The following PPEF2 variants were observed in gnomAD, a reference collection of about 807,000 sequenced individuals.
PPEF2 encodes protein phosphatase with EF-hand domain 2.
In PPEF2, 84 loss-of-function variants were observed where a neutral mutation model predicts 84.7. The observed-to-expected ratio is 0.99, with a 90% CI of 0.83 to 1.19. The LOEUF (loss-of-function observed/expected upper bound fraction) is 1.19. Ranked by LOEUF, PPEF2 falls within the 50% of genes most tolerant of loss-of-function variation. The pLI is 0.00. For synonymous variants in PPEF2, 346 were observed against 345.2 expected (o/e 1.00, Z -0.03); for missense variants, 924 against 937.5 (o/e 0.99, Z 0.19).
At position 75,891,921 on chromosome 4, in the gene PPEF2, T is replaced by C. The variant is rs1178378251; in HGVS notation, c.113A>G (p.Glu38Gly). The change falls in exon 3 of 17, where the codon GAG becomes GGG. Residue 38 changes from glutamate to glycine, a missense_variant. Glu to Gly is a moderately conservative substitution (Grantham distance 98, BLOSUM62 -2). Transcript: ENST00000286719. ...GCTCCAGGTGCAACGCCGCCTCATC[T>C]CCAGGCGGGCCACGTAGCGCCGGTA... ...RWYRRYVARL[E>G]MRRRCTWSIF... 6.2e-7 allele frequency: 1 copy of C among 1,614,158 alleles called. No individual in the cohort carries two copies. Among genetic ancestry groups the C allele is most frequent in the Non-Finnish European group, 8.5e-7 (1 of 1,180,000 alleles).
chr4:75,872,590 G>GA (rs376525067), intron 12 of PPEF2, among the ~76,000 whole-genome samples: 15 of 152,108 alleles, frequency 9.9e-5, no homozygotes, highest in African/African-American at 3.6e-4. Context: ...GATGGTGTAT[G>GA]AAAAAAGTTT....
chr4:75,884,568 A>G, intron 8 of PPEF2, 26 bp downstream of exon 8: 3 of 1,539,688 alleles, frequency 1.9e-6, no homozygotes, highest in Non-Finnish European at 2.6e-6. Flanking sequence ...CAAACATCAA[A>G]TACTCAAGCA....
chr4:75,869,322 A>G (rs549619535), intron 13 of PPEF2, among the ~76,000 whole-genome samples: 1 of 152,330 alleles, frequency 6.6e-6, no homozygotes, highest in South Asian at 2.1e-4. Context: ...AGAGCTCTAC[A>G]TGGATTATCT....
At chr4:75,873,030 G>T (rs1193659782) in intron 12 of PPEF2, 97 bp downstream of exon 12, 6 of 1,206,652 alleles carry the variant, frequency 5.0e-6, no homozygotes, top group Non-Finnish European at 7.0e-6. Context: ...AGGTCTGTAG[G>T]TTGTTAGAAA....
intron 5 of PPEF2, chr4:75,889,160 C>G (rs1383982136): frequency 6.6e-6 from 1 of 152,300 alleles, no homozygotes; most frequent in African/African-American, 2.4e-5. Flanking sequence ...TGCAGTGAGC[C>G]GAGATCGCGC....
rs192813284 is a variant in PPEF2 at position 75,895,301 on chromosome 4, C to T, written c.55+970G>A. 1.0e-3 allele frequency among the ~76,000 whole-genome samples: 154 copies of T among 151,920 alleles called. 3 individuals carry two copies. In the East Asian group the frequency reaches 0.019, roughly 19 times the overall value. ...AAAATTAGCCGGGCATGGTGGCACC[C>T]GCCTGTAATCCCAGCTACTTGGGAG... On this transcript the variant is annotated intron_variant, in intron 2 of 16. Transcript: ENST00000286719.
chr4:75,891,569 T>C, intron 4 of PPEF2, 79 bp downstream of exon 4: 2 of 1,458,468 alleles, frequency 1.4e-6, no homozygotes, highest in Non-Finnish European at 9.2e-7. Flanking sequence ...ACGGTTTCAC[T>C]CCCTGTGCAT....
At position 75,892,112 on chromosome 4, in the gene PPEF2, T is replaced by C. The variant is rs17001165; in HGVS notation, c.56-134A>G. 8,949 of 1,154,090 alleles carry C rather than the reference T, an allele frequency of 7.8e-3. 534 individuals carry two copies. In the African/African-American group the frequency reaches 0.12, roughly 16 times the overall value. 71.5% of individuals were successfully genotyped at this position (1,154,090 alleles called of 1,614,324 possible). On this transcript the variant is annotated intron_variant, in intron 2 of 16. Transcript: ENST00000286719. ...CAAGATGGAGCAGAAGCACTACCCATTGACGCCCATAGGAAGTATTTCCCT... is the reference window on the plus strand; with the variant it reads ...CAAGATGGAGCAGAAGCACTACCCACTGACGCCCATAGGAAGTATTTCCCT...
rs941035698 is a variant in PPEF2 at position 75,874,398 on chromosome 4, C to T, written c.1321-1086G>A. Among the ~76,000 whole-genome samples the T allele has an allele frequency of 5.3e-5, 8 of 151,760 alleles. No homozygotes were observed. The East Asian group carries it at 7.8e-4, about 15-fold the overall frequency. ...GCAACCTCTGCCTCCCAGGTTCAAG[C>T]GATTCTCCTGCCTCAGTCTCTCGAG... On this transcript the variant is annotated intron_variant, in intron 11 of 16. Transcript: ENST00000286719.
At chr4:75,894,028 G>T (rs1161524420) in intron 2 of PPEF2, among the ~76,000 whole-genome samples, 1 of 151,968 alleles carries the variant, frequency 6.6e-6, no homozygotes, top group African/African-American at 2.4e-5. Context: ...CTCTTACTTG[G>T]GCCATGTGTA....
chr4:75,882,310 G>A (rs902480520), intron 10 of PPEF2, among the ~76,000 whole-genome samples: 1 of 152,114 alleles, frequency 6.6e-6, no homozygotes, highest in African/African-American at 2.4e-5. Flanking sequence ...TCTGGATGTA[G>A]TAGTAGGCAC....
Position 75,876,508 on chromosome 4 carries a change from G to A in PPEF2, c.1099C>T (p.Gln367Ter). The stretch of plus-strand genomic sequence containing the variant: ...ATGCTGGAGGACCTGCTGGTTTTCT[G>A]GGCCTTGTAGGAGCCAAGCCGAAGG... ...SPLRLGSYKA[Q>*]KTSRSSSIPC... The change falls in exon 11 of 17, where the codon CAG becomes TAG. Residue 367 changes from glutamine (Q) to a stop codon, truncating the protein, a stop_gained. Transcript: ENST00000286719. LOFTEE classifies it high-confidence loss of function. 1.2e-6 allele frequency: 2 copies of A among 1,614,076 alleles called. No homozygotes were observed. Among genetic ancestry groups the A allele is most frequent in the South Asian group, 1.1e-5 (1 of 91,062 alleles).
intron 16 of PPEF2, among the ~76,000 whole-genome samples, chr4:75,862,621 A>AC (rs1270393175): frequency 6.6e-6 from 1 of 152,080 alleles, no homozygotes; most frequent in Non-Finnish European, 1.5e-5. Context: ...CTAAAAAAAA[A>AC]CCCCACAAAA....
chr4:75,886,594 C>T (rs139665374), intron 7 of PPEF2, among the ~76,000 whole-genome samples: 27 of 152,210 alleles, frequency 1.8e-4, no homozygotes, highest in African/African-American at 5.3e-4. Flanking sequence ...TTGGCATGCA[C>T]TAGTGGTCCC....
intron 10 of PPEF2, among the ~76,000 whole-genome samples, chr4:75,877,617 TGACAGTCAAGCAC>T (rs1166880947): frequency 1.3e-5 from 2 of 151,952 alleles, no homozygotes; most frequent in Non-Finnish European, 2.9e-5. Flanking sequence ...GACATTGTCA[TGACAGTCAAGCAC>T]ATGATCAGTG....
At chr4:75,875,149 C>T (rs1724377756) in intron 11 of PPEF2, among the ~76,000 whole-genome samples, 1 of 152,106 alleles carries the variant, frequency 6.6e-6, no homozygotes, top group Non-Finnish European at 1.5e-5. Context: ...TCGTGATCCG[C>T]CTGTCTCAGC....
chr4:75,865,070 G>A (rs184233397), intron 15 of PPEF2, among the ~76,000 whole-genome samples: 1 of 151,934 alleles, frequency 6.6e-6, no homozygotes, highest in Non-Finnish European at 1.5e-5. Flanking sequence ...CCAAGTAGCT[G>A]GGATTACAGA....
rs1278251474 is a variant in PPEF2, at chr4:75,891,953, C to G, written c.81G>C (p.Gln27His). 6.2e-7 allele frequency: 1 copy of G among 1,613,988 alleles called. No homozygotes were observed. The highest frequency in any genetic ancestry group is 2.2e-5 in the East Asian group (1 of 44,884). The change falls in exon 3 of 17, where the codon CAG becomes CAC. Residue 27 changes from glutamine (Q) to histidine (H), a missense_variant. Physicochemically the swap from Gln to His is conservative, Grantham distance 24. Coordinates refer to ENST00000286719, the MANE Select transcript of PPEF2 (RefSeq NM_006239.3). ...GGGCCACGTAGCGCCGGTACCATCT[C>G]TGGATCAGGGCTGCTGCCTTGAAGG... ...ERAFKAAALI[Q>H]RWYRRYVARL...
chr4:75,869,292 A>G (rs1444719178), intron 13 of PPEF2, among the ~76,000 whole-genome samples: 1 of 152,202 alleles, frequency 6.6e-6, no homozygotes, highest in Non-Finnish European at 1.5e-5. Flanking sequence ...AGTAACACTT[A>G]GTAAGCACTT....
Sources: allele counts gnomAD v4.1 joint callset (sites outside exome capture counted in the v4.1 genomes callset), GRCh38; gene constraint gnomAD v4.1.1; transcripts MANE v1.5; gene names NCBI Gene and HGNC (gene_info 2026-07-23, HGNC 2026-07-21).